The following ARHGAP26 variants were observed in gnomAD, a reference collection of about 807,000 sequenced individuals.
ARHGAP26 encodes Rho GTPase activating protein 26, also known as rho GTPase-activating protein 26.
Under a neutral mutation model 104.8 loss-of-function variants are expected in ARHGAP26, and 38 were observed. The observed-to-expected ratio is 0.36, with a 90% CI of 0.28 to 0.48. The LOEUF is 0.48. Ranked by LOEUF, ARHGAP26 falls within the 20% of genes least tolerant of loss-of-function variation. The probability of loss-of-function intolerance (pLI) is 0.99; values close to 1 mark genes in which losing one functional copy is unlikely to be tolerated. For synonymous variants in ARHGAP26, 341 were observed against 340.0 expected, an observed-to-expected ratio of 1.00 and a Z score of -0.03; for missense variants, 704 against 947.9, an observed-to-expected ratio of 0.74 and a Z score of 3.38.
chr5:143,122,047 T>A (rs1369561754), intron 18 of ARHGAP26, among the ~76,000 whole-genome samples: 1 of 152,192 alleles, frequency 6.6e-6, no homozygotes, highest in South Asian at 2.1e-4. Flanking sequence ...CTTGTCTGAC[T>A]TTTTACAAGA....
At chr5:142,953,615 G>A (rs1332349353) in intron 11 of ARHGAP26, among the ~76,000 whole-genome samples, 6 of 152,112 alleles carry the variant, frequency 3.9e-5, no homozygotes, top group Non-Finnish European at 5.9e-5. Context: ...TGCCTGTTAC[G>A]CTGGTTCACT....
At chr5:142,920,674 A>G (rs1763080497) in intron 10 of ARHGAP26, among the ~76,000 whole-genome samples, 1 of 152,202 alleles carries the variant, frequency 6.6e-6, no homozygotes, top group Non-Finnish European at 1.5e-5. Context: ...GGTGGGCAGC[A>G]AGGATAGCTT....
chr5:143,020,778 A>G (rs568895161), intron 12 of ARHGAP26, among the ~76,000 whole-genome samples: 1 of 151,918 alleles, frequency 6.6e-6, no homozygotes, highest in African/African-American at 2.4e-5. Flanking sequence ...AGCTGGGACT[A>G]CAGGCACCCG....
At chr5:143,021,105 T>C (rs984384125) in intron 12 of ARHGAP26, among the ~76,000 whole-genome samples, 5 of 152,184 alleles carry the variant, frequency 3.3e-5, no homozygotes, top group Admixed American at 1.3e-4. Context: ...AGCAAAATGA[T>C]TTTGAAACAT....
At chr5:142,857,742 C>G (rs1181527965) in intron 1 of ARHGAP26, among the ~76,000 whole-genome samples, 1 of 152,154 alleles carries the variant, frequency 6.6e-6, no homozygotes, top group East Asian at 1.9e-4. Context: ...CTTTCCGGGT[C>G]TTCGGGACAT....
chr5:142,876,489 G>A (rs966472394), intron 3 of ARHGAP26, among the ~76,000 whole-genome samples: 1 of 152,204 alleles, frequency 6.6e-6, no homozygotes, highest in African/African-American at 2.4e-5. Flanking sequence ...ATTAAAAAAT[G>A]TGGGGGCCAG....
chr5:142,889,215 T>C (rs1257565462), intron 5 of ARHGAP26, among the ~76,000 whole-genome samples: 1 of 152,248 alleles, frequency 6.6e-6, no homozygotes, highest in Non-Finnish European at 1.5e-5. Flanking sequence ...TCATTCTGCA[T>C]GCATCTGTTG....
Position 142,955,310 on chromosome 5 carries a change from A to T in ARHGAP26, c.1107+23185A>T, listed in dbSNP as rs12518512. ...AGTGAGACCCTGTCTCAAAAAAAAA[A>T]TTTTTTTTTAAAGCCCCACAAAACA... is the stretch of plus-strand genomic sequence containing the variant. On this transcript the variant is annotated intron_variant, in intron 11 of 22. Coordinates refer to ENST00000645722, the MANE Select transcript of ARHGAP26 (RefSeq NM_001135608.3). Among the ~76,000 whole-genome samples, 240 of 151,950 alleles carry T rather than the reference A, an allele frequency of 1.6e-3. 2 individuals are homozygous for T. Among genetic ancestry groups the T allele is most frequent in the Admixed American group, 0.012 (188 of 15,250 alleles).
chr5:143,167,518 A>AAAAAAAAAAAAAAAAAAAAAAAG (rs1802165034), intron 20 of ARHGAP26, among the ~76,000 whole-genome samples: 1 of 123,676 alleles, frequency 8.1e-6, no homozygotes, highest in African/African-American at 3.3e-5. Context: ...AAAAAAAAAA[A>AAAAAAAAAAAAAAAAAAAAAAAG]GAAATCCATT....
At chr5:142,979,765 G>T (rs1773652664) in intron 11 of ARHGAP26, among the ~76,000 whole-genome samples, 1 of 152,242 alleles carries the variant, frequency 6.6e-6, no homozygotes. Context: ...CCCAATCCCA[G>T]AAGGTAATTC....
chr5:142,935,527 C>A (rs1765287531), intron 11 of ARHGAP26, among the ~76,000 whole-genome samples: 1 of 152,136 alleles, frequency 6.6e-6, no homozygotes, highest in Non-Finnish European at 1.5e-5. Context: ...GGGTCATGGG[C>A]CATACATAGT....
intron 1 of ARHGAP26, among the ~76,000 whole-genome samples, chr5:142,820,353 T>A (rs969127492): frequency 1.3e-5 from 2 of 152,160 alleles, no homozygotes; most frequent in African/African-American, 4.8e-5. Flanking sequence ...TATCACAAAT[T>A]AGTAAGGGTT....
intron 17 of ARHGAP26, among the ~76,000 whole-genome samples, chr5:143,067,593 C>T (rs1478947891): frequency 6.6e-6 from 1 of 152,138 alleles, no homozygotes; most frequent in Non-Finnish European, 1.5e-5. Flanking sequence ...GTTTAGCATC[C>T]TGATTTATTT....
chr5:143,107,630 A>G (rs2150684377), intron 17 of ARHGAP26, among the ~76,000 whole-genome samples: 1 of 152,330 alleles, frequency 6.6e-6, no homozygotes, highest in East Asian at 1.9e-4. Context: ...TTTGAAAAAT[A>G]TCTGTTTAGG....
At chr5:143,193,820 T>C (rs145686145) in intron 20 of ARHGAP26, 1 of 152,352 alleles carries the variant, frequency 6.6e-6, no homozygotes, top group East Asian at 1.9e-4. Flanking sequence ...TCATCTCTTA[T>C]TATGCTTAAA....
Position 143,224,998 on chromosome 5 carries a change from G to C in ARHGAP26, c.*2552G>C, listed in dbSNP as rs1811542791. The C allele has an allele frequency of 4.5e-6, 1 of 222,408 alleles. No individual in the cohort carries two copies. Among genetic ancestry groups the C allele is most frequent in the South Asian group, 1.8e-4 (1 of 5,442 alleles). The allele number at this position is 222,408 out of a possible 1,614,324, so 13.8% of individuals were successfully genotyped here. Reference sequence around the variant, plus strand: ...ATTAAGAATGGACAGGACCAAGACAGAACTCAAGAAAGCCACTGGGGAAAA... The same window carrying C: ...ATTAAGAATGGACAGGACCAAGACACAACTCAAGAAAGCCACTGGGGAAAA... On this transcript the variant is annotated 3_prime_UTR_variant, in exon 23 of 23. Transcript: ENST00000645722.
intron 17 of ARHGAP26, among the ~76,000 whole-genome samples, chr5:143,106,663 G>C (rs1387924519): frequency 1.3e-5 from 2 of 151,924 alleles, no homozygotes; most frequent in African/African-American, 4.8e-5. Flanking sequence ...AGTAGAGACA[G>C]GGTTTCTCCA....
chr5:142,907,860 A>G (rs1256106656), intron 9 of ARHGAP26, 56 bp downstream of exon 9: 2 of 1,254,574 alleles, frequency 1.6e-6, no homozygotes, highest in Non-Finnish European at 1.2e-6. Context: ...TATAATGATT[A>G]TAATGCATGT....
intron 3 of ARHGAP26, 142 bp from the exon 4 acceptor site, chr5:142,879,231 GT>G: frequency 1.3e-6 from 1 of 759,480 alleles, no homozygotes; most frequent in South Asian, 1.4e-5. Flanking sequence ...TAGTTCGAAG[GT>G]TGTAAACAGT....
Sources: allele counts gnomAD v4.1 joint callset (sites outside exome capture counted in the v4.1 genomes callset), GRCh38; gene constraint gnomAD v4.1.1; transcripts MANE v1.5; gene names NCBI Gene and HGNC (gene_info 2026-07-23, HGNC 2026-07-21).